Variants in RINT1 observed in about 807,000 individuals in gnomAD.
The protein encoded by RINT1 is RAD50 interactor 1.
In RINT1, 75 loss-of-function variants were observed where a neutral mutation model predicts 97.7. The ratio of observed to expected loss-of-function variants is 0.77; its 90% CI spans 0.64 to 0.93. The LOEUF (loss-of-function observed/expected upper bound fraction) is 0.93. Ranked by LOEUF, RINT1 falls within the 40% of genes least tolerant of loss-of-function variation. The pLI, the probability that RINT1 is intolerant of heterozygous loss-of-function variation, is 0.00. For synonymous variants in RINT1, 303 were observed against 326.3 expected (o/e 0.93, Z 0.77); for missense variants, 892 against 925.2 (o/e 0.96, Z 0.47).
chr7:105,532,799 C>T (rs1176444445), intron 1 of RINT1, 25 bp from the exon 2 acceptor site: 14 of 1,613,256 alleles, frequency 8.7e-6, no homozygotes, highest in Non-Finnish European at 1.2e-5. Context: ...TCTTAATGTG[C>T]TTGTCACATC....
At chr7:105,552,811 T>C (rs1347650600) in intron 10 of RINT1, among the ~76,000 whole-genome samples, 4 of 150,876 alleles carry the variant, frequency 2.7e-5, no homozygotes, top group East Asian at 2.0e-4. Flanking sequence ...GTAGCTGGGA[T>C]TATAGGCACC....
chr7:105,545,530 ATT>A (rs527695679), intron 4 of RINT1, among the ~76,000 whole-genome samples: 27 of 140,122 alleles, frequency 1.9e-4, no homozygotes, highest in Admixed American at 7.9e-4. Context: ...ATATATATAT[ATT>A]TTTTTTTTTT....
chr7:105,559,293 C>T (rs1394980745), intron 11 of RINT1, among the ~76,000 whole-genome samples: 1 of 152,022 alleles, frequency 6.6e-6, no homozygotes, highest in African/African-American at 2.4e-5. Flanking sequence ...ATAATCCCAG[C>T]ACTTTTGGAG....
Position 105,543,878 on chromosome 7 carries a change from C to T in RINT1, c.515+1229C>T, listed in dbSNP as rs1030597441. Among the ~76,000 whole-genome samples the T allele has an allele frequency of 3.0e-4, 45 of 151,274 alleles. 2 individuals are homozygous for T. The East Asian group carries it at 5.0e-3, about 17-fold the overall frequency. Reference sequence around the variant, plus strand: ...GGCCGAGGCGGGCAGATCACGAGGTCAGGAGTTTGAGACCAGCCTGACCAA... The same window carrying T: ...GGCCGAGGCGGGCAGATCACGAGGTTAGGAGTTTGAGACCAGCCTGACCAA... On this transcript the variant is annotated intron_variant, in intron 4 of 14. Coordinates refer to ENST00000257700, the MANE Select transcript of RINT1 (RefSeq NM_021930.6).
intron 10 of RINT1, among the ~76,000 whole-genome samples, chr7:105,553,163 A>G (rs551715336): frequency 6.6e-6 from 1 of 151,830 alleles, no homozygotes; most frequent in Non-Finnish European, 1.5e-5. Context: ...GTTATATTTT[A>G]CTCCTCAATT....
chr7:105,557,639 G>A (rs987725711), intron 11 of RINT1, among the ~76,000 whole-genome samples: 1 of 151,938 alleles, frequency 6.6e-6, no homozygotes, highest in Non-Finnish European at 1.5e-5. Context: ...GTTATATGTA[G>A]AACAAAAATT....
At chr7:105,541,150 T>C (rs959773189) in intron 3 of RINT1, among the ~76,000 whole-genome samples, 2 of 151,470 alleles carry the variant, frequency 1.3e-5, no homozygotes, top group Non-Finnish European at 2.9e-5. Flanking sequence ...CATTTTTTTT[T>C]TTCTTCTTTG....
rs1302558496 is a variant in RINT1 at position 105,548,957 on chromosome 7, C to A, written c.996+247C>A. On this transcript the variant is annotated intron_variant, in intron 7 of 14. Coordinates refer to ENST00000257700, the MANE Select transcript of RINT1 (RefSeq NM_021930.6). ...GCTGAGTTATCATTGCAAAACAAAG[C>A]AAAGCAAATAGTAAGCACTTGGTAT... Among the ~76,000 whole-genome samples, 6 of 151,954 alleles carry A rather than the reference C, an allele frequency of 3.9e-5. No homozygotes were observed. In the East Asian group the frequency reaches 1.2e-3, roughly 29 times the overall value.
chr7:105,538,895 CCT>C (rs1275563372), intron 3 of RINT1, among the ~76,000 whole-genome samples: 4 of 152,046 alleles, frequency 2.6e-5, no homozygotes, highest in Non-Finnish European at 4.4e-5. Context: ...ATAATTTTAC[CCT>C]GTGTTCGTCA....
intron 3 of RINT1, among the ~76,000 whole-genome samples, chr7:105,537,029 T>G (rs979218082): frequency 6.6e-6 from 1 of 152,140 alleles, no homozygotes; most frequent in African/African-American, 2.4e-5. Flanking sequence ...TCAATCTGTT[T>G]CTAGTGAACA....
At chr7:105,545,577 G>A (rs539791364) in intron 4 of RINT1, among the ~76,000 whole-genome samples, 81 of 150,700 alleles carry the variant, frequency 5.4e-4, no homozygotes, top group African/African-American at 1.7e-3. Context: ...TGAGGCTGGA[G>A]TGCAGCGGCA....
intron 11 of RINT1, among the ~76,000 whole-genome samples, chr7:105,557,680 A>G (rs1554365363): frequency 6.6e-6 from 1 of 152,178 alleles, no homozygotes; most frequent in Non-Finnish European, 1.5e-5. Context: ...TGTATAGCAG[A>G]AAATGTATTC....
At chr7:105,565,679 T>C in intron 14 of RINT1, 31 bp downstream of exon 14, 2 of 1,388,218 alleles carry the variant, frequency 1.4e-6, no homozygotes, top group Non-Finnish European at 2.0e-6. Context: ...TTAATATTAA[T>C]GTATCAAATT....
intron 7 of RINT1, 41 bp downstream of exon 7, chr7:105,548,751 C>T (rs770158210): frequency 6.4e-7 from 1 of 1,551,200 alleles, no homozygotes; most frequent in Non-Finnish European, 8.7e-7. Context: ...TTATTGGTAA[C>T]AAATGTTAGA....
intron 11 of RINT1, among the ~76,000 whole-genome samples, chr7:105,562,479 G>T (rs1018110145): frequency 1.3e-5 from 2 of 152,188 alleles, no homozygotes; most frequent in Non-Finnish European, 2.9e-5. Context: ...GCCTCTTAAA[G>T]TGCTGGCACT....
chr7:105,555,027 G>C lies in RINT1; in HGVS notation c.1472-1G>C, dbSNP rs2133426189. 6.2e-7 allele frequency: 1 copy of C among 1,612,226 alleles called. No homozygotes were observed. The highest frequency in any genetic ancestry group is 8.5e-7 in the Non-Finnish European group (1 of 1,179,338). Reference sequence around the variant, plus strand: ...ATATGTCTTAATAACTTTTTCCACAGACAGGTATAAAAATCTTCCCACAGC... The same window carrying C: ...ATATGTCTTAATAACTTTTTCCACACACAGGTATAAAAATCTTCCCACAGC... On this transcript the variant is annotated splice_acceptor_variant, in intron 10 of 14. Coordinates refer to ENST00000257700, the MANE Select transcript of RINT1 (RefSeq NM_021930.6). LOFTEE classifies it high-confidence loss of function.
Position 105,555,124 on chromosome 7 carries a change from T to A in RINT1, c.1568T>A (p.Val523Glu). The A allele has an allele frequency of 6.2e-7, 1 of 1,613,994 alleles. No individual in the cohort carries two copies. Among genetic ancestry groups the A allele is most frequent in the Non-Finnish European group, 8.5e-7 (1 of 1,179,942 alleles). Residue 523 changes from valine (V) to glutamate (E), a missense_variant, in exon 11 of 15, where the codon GTG (valine) becomes GAG (glutamate). Val to Glu is a moderately radical substitution (Grantham distance 121). Transcript: ENST00000257700. ...VDDFRIRLTQ[V>E]MKEETRASLG... ...GATTTTAGGATACGATTAACACAAG[T>A]GATGAAAGAAGAGACTAGAGCTTCC...
chr7:105,535,743 G>C, intron 2 of RINT1: 1 of 337,450 alleles, frequency 3.0e-6, no homozygotes, highest in Non-Finnish European at 5.9e-6. Context: ...TTGCTTTGTT[G>C]CCTAGGCTGG....
chr7:105,547,417 T>A (rs958512505), intron 6 of RINT1, 84 bp downstream of exon 6: 6 of 1,410,164 alleles, frequency 4.3e-6, no homozygotes. Flanking sequence ...TTTTTCAAAG[T>A]GGCCAAGAAA....
Sources: gnomAD v4.1 joint callset for allele counts (sites outside exome capture counted in the v4.1 genomes callset) on GRCh38, gnomAD v4.1.1 for gene constraint, MANE v1.5 for transcripts, NCBI Gene and HGNC (gene_info 2026-07-23, HGNC 2026-07-21) for gene names.